Variants in NCOA3 observed in about 807,000 individuals in gnomAD.
NCOA3 encodes the protein nuclear receptor coactivator 3.
NCOA3 carries 51 observed loss-of-function variants against 158.8 expected under a neutral mutation model. That is an observed-to-expected ratio of 0.32 (90% CI 0.26 to 0.41). The LOEUF is 0.41. Among genes scored for constraint, NCOA3 ranks in the 10% least tolerant of loss-of-function variants. NCOA3 has a pLI of 1.00. For missense variants in NCOA3, 1,510 were observed against 1,746.6 expected, an observed-to-expected ratio of 0.86 and a Z score of 2.41; for synonymous variants, 537 against 592.4, an observed-to-expected ratio of 0.91 and a Z score of 1.36.
At chr20:47,621,241 A>T (rs1258915630) in intron 2 of NCOA3, among the ~76,000 whole-genome samples, 1 of 150,248 alleles carries the variant, frequency 6.7e-6, no homozygotes, top group Non-Finnish European at 1.5e-5. Flanking sequence ...TTAAATTTTT[A>T]TTTTTTTTGT....
intron 4 of NCOA3, 79 bp from the exon 5 acceptor site, chr20:47,625,302 T>A: frequency 2.2e-6 from 2 of 912,118 alleles, no homozygotes; most frequent in South Asian, 2.8e-5. Flanking sequence ...TCTTTATGTC[T>A]CTTCTGGGGA....
chr20:47,610,203 C>T (rs1453761601), intron 2 of NCOA3, among the ~76,000 whole-genome samples: 1 of 152,018 alleles, frequency 6.6e-6, no homozygotes, highest in Non-Finnish European at 1.5e-5. Flanking sequence ...AGACACATAA[C>T]TTCTAGGGAT....
chr20:47,616,829 G>A (rs2086147400), intron 2 of NCOA3, among the ~76,000 whole-genome samples: 3 of 152,212 alleles, frequency 2.0e-5, no homozygotes, highest in Admixed American at 6.5e-5. Flanking sequence ...GATGTATGAT[G>A]TAACTTCAGG....
At position 47,645,032 on chromosome 20, in the gene NCOA3, A is replaced by G. The variant is rs181901815; in HGVS notation, c.3253-2041A>G. 4.5e-3 allele frequency among the ~76,000 whole-genome samples: 690 copies of G among 152,162 alleles called. 5 individuals are homozygous for G. The highest frequency in any genetic ancestry group is 0.017 in the Middle Eastern group (5 of 294). ...AATTTCCACATGTAGAGTTGTTTTC[A>G]ACCACCACTACCACTCCTGCCATCT... On this transcript the variant is annotated intron_variant, in intron 17 of 22. Transcript: ENST00000371998.
chr20:47,633,892 G>T, intron 9 of NCOA3, 156 bp from the exon 10 acceptor site: 1 of 981,082 alleles, frequency 1.0e-6, no homozygotes. Context: ...TGATGCCTGA[G>T]TGTTCTTATT....
chr20:47,590,066 G>T (rs1003534989), intron 2 of NCOA3, among the ~76,000 whole-genome samples: 5 of 152,022 alleles, frequency 3.3e-5, no homozygotes, highest in African/African-American at 1.2e-4. Context: ...TTCCCCAAGT[G>T]TTGGTGCTGG....
chr20:47,564,822 C>T (rs2085166601), intron 1 of NCOA3, among the ~76,000 whole-genome samples: 1 of 152,170 alleles, frequency 6.6e-6, no homozygotes, highest in African/African-American at 2.4e-5. Context: ...GAATTGCCTA[C>T]TCTGGTTCTT....
intron 2 of NCOA3, among the ~76,000 whole-genome samples, chr20:47,594,940 C>T (rs1297486273): frequency 2.0e-5 from 3 of 146,536 alleles, no homozygotes; most frequent in Non-Finnish European, 3.0e-5. Flanking sequence ...TACAGGCACC[C>T]GCCACCACGA....
At chr20:47,564,731 A>T (rs550242199) in intron 1 of NCOA3, among the ~76,000 whole-genome samples, 2 of 151,854 alleles carry the variant, frequency 1.3e-5, no homozygotes, top group Non-Finnish European at 2.9e-5. Flanking sequence ...CCACAATACC[A>T]TTTTCTTTAT....
chr20:47,536,383 C>T (rs1415747263), intron 1 of NCOA3, among the ~76,000 whole-genome samples: 1 of 152,152 alleles, frequency 6.6e-6, no homozygotes, highest in African/African-American at 2.4e-5. Flanking sequence ...GGCATGAGCC[C>T]CCTATCCGGC....
chr20:47,652,853 T>G, intron 21 of NCOA3, 78 bp from the exon 22 acceptor site: 1 of 1,479,600 alleles, frequency 6.8e-7, no homozygotes, highest in East Asian at 2.3e-5. Context: ...TTTGACACAA[T>G]TGTAGTAATT....
chr20:47,585,680 T>A (rs184672812), intron 2 of NCOA3, among the ~76,000 whole-genome samples: 1 of 152,254 alleles, frequency 6.6e-6, no homozygotes, highest in East Asian at 1.9e-4. Context: ...CACTTAAAAT[T>A]TAGCTAGATT....
chr20:47,616,485 G>C (rs2086141943), intron 2 of NCOA3, among the ~76,000 whole-genome samples: 1 of 152,036 alleles, frequency 6.6e-6, no homozygotes, highest in African/African-American at 2.4e-5. Context: ...GAGCCACCCC[G>C]CCCAGCCTTT....
chr20:47,538,896 GAGA>G (rs1226588838), intron 1 of NCOA3, among the ~76,000 whole-genome samples: 2 of 152,216 alleles, frequency 1.3e-5, no homozygotes, highest in African/African-American at 4.8e-5. Context: ...TCAGAAACTG[GAGA>G]AGATGTTATA....
At chr20:47,574,897 G>A (rs1233891633) in intron 1 of NCOA3, among the ~76,000 whole-genome samples, 2 of 152,086 alleles carry the variant, frequency 1.3e-5, no homozygotes, top group Non-Finnish European at 2.9e-5. Flanking sequence ...GTAGCAGTGA[G>A]GATATCTGAT....
intron 1 of NCOA3, among the ~76,000 whole-genome samples, chr20:47,562,055 A>G (rs2085115618): frequency 6.6e-6 from 1 of 152,022 alleles, no homozygotes; most frequent in Non-Finnish European, 1.5e-5. Context: ...GCTTAGTAAT[A>G]TGCATTTAAG....
chr20:47,639,445 C>A, intron 14 of NCOA3, 132 bp from the exon 15 acceptor site: 2 of 1,271,816 alleles, frequency 1.6e-6, no homozygotes, highest in Non-Finnish European at 2.2e-6. Context: ...CCACAGTTGG[C>A]CAGCCCTTTT....
chr20:47,528,135 T>C (rs2146100158), intron 1 of NCOA3, among the ~76,000 whole-genome samples: 2 of 152,360 alleles, frequency 1.3e-5, no homozygotes, highest in South Asian at 4.1e-4. Context: ...CTTGGTCATA[T>C]GTATATTTTG....
intron 1 of NCOA3, among the ~76,000 whole-genome samples, chr20:47,522,240 C>G (rs1224836176): frequency 6.6e-6 from 1 of 150,912 alleles, no homozygotes; most frequent in Non-Finnish European, 1.5e-5. Context: ...GTAGCCGGGA[C>G]TACAGGTGCC....
Sources: gnomAD v4.1 joint callset for allele counts (sites outside exome capture counted in the v4.1 genomes callset) on GRCh38, gnomAD v4.1.1 for gene constraint, MANE v1.5 for transcripts, NCBI Gene and HGNC (gene_info 2026-07-23, HGNC 2026-07-21) for gene names.